The following SLC38A9 variants were observed in gnomAD, a reference collection of about 807,000 sequenced individuals.
The protein encoded by SLC38A9 is solute carrier family 38 member 9.
SLC38A9 carries 48 observed loss-of-function variants against 62.3 expected under a neutral mutation model. The observed-to-expected ratio is 0.77, with a 90% CI of 0.61 to 0.98. The LOEUF is 0.98. SLC38A9 is among the 50% of genes least tolerant of loss of function. The pLI is 0.00. For missense variants in SLC38A9, 541 were observed against 679.8 expected (o/e 0.80, Z 2.27); for synonymous variants, 204 against 227.7 (o/e 0.90, Z 0.94).
rs1743920481 is a variant in SLC38A9 at position 55,633,804 on chromosome 5, G to A, written c.1380C>T (p.Tyr460=). 1.1e-5 allele frequency: 18 copies of A among 1,614,208 alleles called. No homozygotes were observed. The East Asian group carries it at 4.0e-4, about 36-fold the overall frequency. The change falls in exon 14 of 16, where the codon TAC becomes TAT. Residue 460 remains tyrosine (Y), a synonymous_variant. Transcript: ENST00000396865. ...GGCCCAAAAGCTGGACACGAGCCAG[G>A]TAGCCTAAGAGTGGGTATACAGTCA... The part of the protein sequence containing the change: ...QMMTVYPLLG[Y]LARVQLLGHI...
At chr5:55,675,691 C>T (rs1751997274) in intron 3 of SLC38A9, among the ~76,000 whole-genome samples, 1 of 152,094 alleles carries the variant, frequency 6.6e-6, no homozygotes, top group Non-Finnish European at 1.5e-5. Flanking sequence ...TATTTATGGT[C>T]ATGCCACAGA....
intron 3 of SLC38A9, among the ~76,000 whole-genome samples, chr5:55,678,908 C>G (rs570834694): frequency 1.3e-5 from 2 of 151,994 alleles, no homozygotes; most frequent in Non-Finnish European, 2.9e-5. Context: ...AATCCTCCTA[C>G]CTTGGCCTCC....
At chr5:55,650,932 C>G (rs1217834725) in intron 10 of SLC38A9, among the ~76,000 whole-genome samples, 1 of 152,038 alleles carries the variant, frequency 6.6e-6, no homozygotes, top group East Asian at 1.9e-4. Flanking sequence ...GCTGGGATTA[C>G]AGGCATGCGC....
At chr5:55,674,719 T>A (rs1013838089) in intron 3 of SLC38A9, among the ~76,000 whole-genome samples, 1 of 152,196 alleles carries the variant, frequency 6.6e-6, no homozygotes, top group Non-Finnish European at 1.5e-5. Flanking sequence ...GTTAAGTGAA[T>A]TAAGTGGTGT....
intron 3 of SLC38A9, among the ~76,000 whole-genome samples, chr5:55,679,599 T>TG (rs1156592329): frequency 3.2e-5 from 3 of 93,668 alleles, no homozygotes; most frequent in African/African-American, 6.5e-5. Context: ...TTTTAGTTTT[T>TG]TGTTTTTTTT....
At chr5:55,665,322 G>C (rs1462476653) in intron 7 of SLC38A9, among the ~76,000 whole-genome samples, 1 of 152,058 alleles carries the variant, frequency 6.6e-6, no homozygotes, top group African/African-American at 2.4e-5. Flanking sequence ...GAGGCACGCA[G>C]ATCACTTGAG....
intron 12 of SLC38A9, among the ~76,000 whole-genome samples, chr5:55,639,272 T>TTAAAAAAAAAAAAAA (rs1391586466): frequency 2.2e-4 from 12 of 54,650 alleles, no homozygotes; most frequent in African/African-American, 7.5e-4. Context: ...AAACTCTGTC[T>TTAAAAAAAAAAAAAA]AAAAAAAAAA....
chr5:55,645,307 G>A (rs1344732957), intron 12 of SLC38A9, among the ~76,000 whole-genome samples: 1 of 152,006 alleles, frequency 6.6e-6, no homozygotes. Flanking sequence ...TTCCTGCCTC[G>A]GACTCCCAAA....
intron 2 of SLC38A9, among the ~76,000 whole-genome samples, chr5:55,706,972 C>A (rs1757372681): frequency 6.7e-6 from 1 of 150,344 alleles, no homozygotes. Flanking sequence ...GACAGGGTCT[C>A]ACTCTGTCAC....
upstream of SLC38A9, chr5:55,712,328 A>G (rs1186826493): frequency 6.5e-6 from 1 of 152,752 alleles, no homozygotes; most frequent in Non-Finnish European, 1.5e-5. Flanking sequence ...AGGAAGCGGC[A>G]ATAGCCTGGG....
Position 55,649,264 on chromosome 5 carries a change from G to A in SLC38A9, c.1003C>T (p.Arg335Cys), listed in dbSNP as rs751908053. The change falls in exon 11 of 16, where the codon CGC becomes TGC. Residue 335 changes from arginine to cysteine, a missense_variant. Arg to Cys is a radical substitution (Grantham distance 180, BLOSUM62 -3). Transcript: ENST00000396865. ...LIFLVTFKAV[R>C]LGFHLEFHWF... ...TGAAATTCCAAATGAAATCCCAAGC[G>A]AACAGCCTTAAAGGTGACAAGGAAA... is the stretch of plus-strand genomic sequence containing the variant. 9.9e-6 allele frequency: 16 copies of A among 1,608,374 alleles called. No homozygotes were observed. In the African/African-American group the frequency reaches 1.5e-4, roughly 15 times the overall value.
chr5:55,659,718 A>G (rs1480974766), intron 8 of SLC38A9, among the ~76,000 whole-genome samples: 1 of 151,436 alleles, frequency 6.6e-6, no homozygotes, highest in East Asian at 2.0e-4. Context: ...AGATGATATG[A>G]TTATTTAAAA....
chr5:55,690,513 T>A (rs562535546), intron 3 of SLC38A9, among the ~76,000 whole-genome samples: 4 of 152,234 alleles, frequency 2.6e-5, no homozygotes, highest in African/African-American at 7.2e-5. Context: ...CACTGATTAA[T>A]GACCAAGGTC....
In SLC38A9 at chr5:55,679,774, C is replaced by T. The variant is rs934453954; in HGVS notation, c.114-7079G>A. Among the ~76,000 whole-genome samples the T allele has an allele frequency of 6.6e-5, 10 of 152,172 alleles. 2 individuals carry two copies. In the South Asian group the frequency reaches 2.1e-3, roughly 32 times the overall value. Reference sequence around the variant, plus strand: ...CATCTACTATCTAGAAAGAGCAGTTCCAAATGGGAAATGGTGAGTGACATT... The same window carrying T: ...CATCTACTATCTAGAAAGAGCAGTTTCAAATGGGAAATGGTGAGTGACATT... On this transcript the variant is annotated intron_variant, in intron 3 of 15. Coordinates refer to ENST00000396865, the MANE Select transcript of SLC38A9 (RefSeq NM_173514.4).
chr5:55,658,994 TTTAA>T (rs1748974912), intron 8 of SLC38A9, among the ~76,000 whole-genome samples: 1 of 152,224 alleles, frequency 6.6e-6, no homozygotes, highest in Non-Finnish European at 1.5e-5. Flanking sequence ...AAGGAGGAAA[TTTAA>T]TTAAGATAAT....
At chr5:55,697,186 G>C (rs1228688098) in intron 3 of SLC38A9, 1 of 152,762 alleles carries the variant, frequency 6.5e-6, no homozygotes, top group Admixed American at 6.5e-5. Flanking sequence ...CTGCAATCTC[G>C]GCACTTTGGG....
At chr5:55,696,738 G>C (rs182340424) in intron 3 of SLC38A9, 1 of 143,648 alleles carries the variant, frequency 7.0e-6, no homozygotes, top group African/African-American at 2.6e-5. Context: ...GGTGGCTGCC[G>C]GGCGGAGACG....
chr5:55,627,219 A>G (rs1048414372), intron 15 of SLC38A9, among the ~76,000 whole-genome samples: 1 of 152,172 alleles, frequency 6.6e-6, no homozygotes, highest in African/African-American at 2.4e-5. Context: ...TATATTCAAT[A>G]AGCATCAGGC....
intron 3 of SLC38A9, among the ~76,000 whole-genome samples, chr5:55,692,250 A>G (rs1318822966): frequency 6.6e-6 from 1 of 152,210 alleles, no homozygotes; most frequent in East Asian, 1.9e-4. Context: ...CCCTAATTTT[A>G]AAAAGTAAAT....
Sources: allele counts gnomAD v4.1 joint callset (sites outside exome capture counted in the v4.1 genomes callset), GRCh38; gene constraint gnomAD v4.1.1; transcripts MANE v1.5; gene names NCBI Gene and HGNC (gene_info 2026-07-23, HGNC 2026-07-21).